The following FCN1 variants were observed in gnomAD, a reference collection of about 807,000 sequenced individuals.
The protein encoded by FCN1 is ficolin-1.
FCN1 carries 42 observed loss-of-function variants against 35.6 expected under a neutral mutation model. The observed-to-expected ratio is 1.18, with a 90% CI of 0.92 to 1.53. The LOEUF is 1.53. Among genes scored for constraint, FCN1 ranks in the 40% most tolerant of loss-of-function variants. The probability of loss-of-function intolerance (pLI) is 0.00; values close to 1 mark genes in which losing one functional copy is unlikely to be tolerated. For synonymous variants in FCN1, 179 were observed against 169.8 expected (o/e 1.05, Z -0.42); for missense variants, 439 against 428.4 (o/e 1.02, Z -0.22).
chr9:134,912,092 G>T (rs760515625), intron 7 of FCN1, among the ~76,000 whole-genome samples: 3 of 152,216 alleles, frequency 2.0e-5, no homozygotes, highest in African/African-American at 7.2e-5. Flanking sequence ...GTGCGGCTGT[G>T]GGGGGCCTGC....
At chr9:134,913,673 GC>G in intron 4 of FCN1, 60 bp from the exon 5 acceptor site, 1 of 1,358,768 alleles carries the variant, frequency 7.4e-7, no homozygotes, top group Non-Finnish European at 1.0e-6. Flanking sequence ...GTCCTGGTCA[GC>G]CCCAGTGGCT....
In FCN1 at chr9:134,907,084, A is replaced by T. The variant is rs1830964479; in HGVS notation, c.*2714T>A. 6.6e-6 allele frequency: 1 copy of T among 152,170 alleles called. No homozygotes were observed. Among genetic ancestry groups the T allele is most frequent in the African/African-American group, 2.4e-5 (1 of 41,436 alleles). 9.4% of individuals were successfully genotyped at this position (152,170 alleles called of 1,614,324 possible). A position where few individuals can be genotyped will look rare whatever the true frequency, so the allele number is the denominator to read the frequency against. On this transcript the variant is annotated 3_prime_UTR_variant, in exon 9 of 9. Coordinates refer to ENST00000371806, the MANE Select transcript of FCN1 (RefSeq NM_002003.5). ...AAAACTCTGTCTCAAAAAACAAACT[A>T]AAAGGCATATTTCTATGGCTATTTT...
chr9:134,911,330 T>C, intron 7 of FCN1, 63 bp from the exon 8 acceptor site: 1 of 1,407,598 alleles, frequency 7.1e-7, no homozygotes, highest in Non-Finnish European at 9.8e-7. Context: ...GCATGAGGGC[T>C]GGGGATGGGT....
At chr9:134,913,674 C>T (rs1831055709) in intron 4 of FCN1, 61 bp from the exon 5 acceptor site, 7 of 1,358,542 alleles carry the variant, frequency 5.2e-6, no homozygotes, top group Non-Finnish European at 7.2e-6. Context: ...TCCTGGTCAG[C>T]CCCAGTGGCT....
intron 5 of FCN1, 33 bp from the exon 6 acceptor site, chr9:134,913,176 C>T (rs780219939): frequency 1.6e-5 from 26 of 1,611,034 alleles, no homozygotes; most frequent in Middle Eastern, 3.3e-4. Context: ...GGCTGCAGGA[C>T]GGGGGCCCTG....
chr9:134,912,091 T>TG (rs1377730376), intron 7 of FCN1, among the ~76,000 whole-genome samples: 1 of 152,164 alleles, frequency 6.6e-6, no homozygotes, highest in African/African-American at 2.4e-5. Context: ...AGTGCGGCTG[T>TG]GGGGGGCCTG....
intron 5 of FCN1, 85 bp from the exon 6 acceptor site, chr9:134,913,228 G>A (rs1007022754): frequency 3.5e-5 from 54 of 1,554,160 alleles, no homozygotes; most frequent in African/African-American, 1.2e-4. Flanking sequence ...GGAGGGAGGA[G>A]GAGGGCCACA....
At chr9:134,915,598 C>A (rs1366456684) in intron 2 of FCN1, among the ~76,000 whole-genome samples, 1 of 152,214 alleles carries the variant, frequency 6.6e-6, no homozygotes, top group Non-Finnish European at 1.5e-5. Flanking sequence ...CGGACACCCA[C>A]ACGGAAGCCT....
In FCN1 at chr9:134,915,765, C is replaced by T. The variant is rs377499493; in HGVS notation, c.217+583G>A. 4.3e-4 allele frequency among the ~76,000 whole-genome samples: 65 copies of T among 152,328 alleles called. 3 individuals are homozygous for T. In the South Asian group the frequency reaches 0.013, roughly 30 times the overall value. On this transcript the variant is annotated intron_variant, in intron 2 of 8. Coordinates refer to ENST00000371806, the MANE Select transcript of FCN1 (RefSeq NM_002003.5). Reference sequence around the variant, plus strand: ...AGCGCCCTTTCTGAGTTTTTGTGCACGTCTGCCTTATGCCATGCTTAGGGG... The same window carrying T: ...AGCGCCCTTTCTGAGTTTTTGTGCATGTCTGCCTTATGCCATGCTTAGGGG...
At chr9:134,910,290 C>T (rs1483231132) in intron 8 of FCN1, among the ~76,000 whole-genome samples, 2 of 152,128 alleles carry the variant, frequency 1.3e-5, no homozygotes, top group African/African-American at 2.4e-5. Flanking sequence ...CCTGTTTCCT[C>T]CAGGGCTCCC....
intron 2 of FCN1, among the ~76,000 whole-genome samples, chr9:134,915,361 C>T (rs1831079743): frequency 1.3e-5 from 2 of 152,200 alleles, no homozygotes; most frequent in Non-Finnish European, 2.9e-5. Flanking sequence ...AGCCCCCAGC[C>T]CGCTCGCTGA....
In FCN1 at chr9:134,909,155, T is replaced by C. The variant is rs1422570016; in HGVS notation, c.*643A>G. On this transcript the variant is annotated 3_prime_UTR_variant, in exon 9 of 9. Transcript: ENST00000371806. ...CTCTTCGGAATCTTCTCTGTGCAGG[T>C]GGCTGACCAGGCGCTCACTTAGTGA... is the stretch of plus-strand genomic sequence containing the variant. 3 of 1,252,472 alleles carry C rather than the reference T, an allele frequency of 2.4e-6. No homozygotes were observed. The South Asian group carries it at 3.9e-5, about 16-fold the overall frequency. The allele number at this position is 1,252,472 out of a possible 1,614,324, so 77.6% of individuals were successfully genotyped here. A position where few individuals can be genotyped will look rare whatever the true frequency, so the allele number is the denominator to read the frequency against.
chr9:134,911,499 C>A (rs995839727), intron 7 of FCN1, among the ~76,000 whole-genome samples: 1 of 144,736 alleles, frequency 6.9e-6, no homozygotes, highest in African/African-American at 2.7e-5. Context: ...TGTGTGCCAC[C>A]ACACACAGCT....
At position 134,917,755 on chromosome 9, in the gene FCN1, C is replaced by T. The variant is rs1430919817; in HGVS notation, c.103+14G>A. ...ACCAGCTTTTAGGGACCAGAAAACC[C>T]AGGTCTGTCTCACCTGGACATGTGT... On this transcript the variant is annotated intron_variant, in intron 1 of 8. Coordinates refer to ENST00000371806, the MANE Select transcript of FCN1 (RefSeq NM_002003.5). 1 of 1,594,554 alleles carries T rather than the reference C, an allele frequency of 6.3e-7. No homozygotes were observed. Among genetic ancestry groups the T allele is most frequent in the Admixed American group, 1.7e-5 (1 of 59,962 alleles).
At chr9:134,914,504 G>T in intron 3 of FCN1, 84 bp from the exon 4 acceptor site, 1 of 1,293,820 alleles carries the variant, frequency 7.7e-7, no homozygotes. Flanking sequence ...CTCCCGGCCT[G>T]GACACTGCAT....
rs150166526 is a variant in FCN1 at position 134,912,401 on chromosome 9, G to T, written c.598+85C>A. 9 of 1,399,634 alleles carry T rather than the reference G, an allele frequency of 6.4e-6. No individual in the cohort carries two copies. In the East Asian group the frequency reaches 1.9e-4, roughly 29 times the overall value. 86.7% of individuals were successfully genotyped at this position (1,399,634 alleles called of 1,614,324 possible). On this transcript the variant is annotated intron_variant, in intron 7 of 8. Transcript: ENST00000371806. ...GGGCCCAATCCCCTGTGGGCCAAGA[G>T]GTGCTTATGTTGCAGATGGCCCAGG... is the stretch of plus-strand genomic sequence containing the variant.
chr9:134,913,670 TCAG>T (rs1831055640), intron 4 of FCN1, 57 bp from the exon 5 acceptor site: 1 of 1,410,582 alleles, frequency 7.1e-7, no homozygotes, highest in African/African-American at 1.4e-5. Context: ...TTTGTCCTGG[TCAG>T]CCCCAGTGGC....
chr9:134,916,033 G>T (rs561551864), intron 2 of FCN1, among the ~76,000 whole-genome samples: 25 of 152,370 alleles, frequency 1.6e-4, no homozygotes, highest in African/African-American at 5.3e-4. Context: ...CAGGTGAGAA[G>T]GTGGAGGGAC....
rs1326667929 is a variant in FCN1 at position 134,911,322 on chromosome 9, A to T, written c.599-55T>A. The T allele has an allele frequency of 8.6e-6, 13 of 1,518,218 alleles. No individual in the cohort carries two copies. In the East Asian group the frequency reaches 2.7e-4, roughly 32 times the overall value. The allele number at this position is 1,518,218 out of a possible 1,614,324, so 94.0% of individuals were successfully genotyped here. On this transcript the variant is annotated intron_variant, in intron 7 of 8. Transcript: ENST00000371806. ...CTTTAAGATCTTTCTGTCACCAGGC[A>T]TGAGGGCTGGGGATGGGTAATTTTT... is the stretch of plus-strand genomic sequence containing the variant.
Sources: allele counts gnomAD v4.1 joint callset (sites outside exome capture counted in the v4.1 genomes callset), GRCh38; gene constraint gnomAD v4.1.1; transcripts MANE v1.5; gene names NCBI Gene and HGNC (gene_info 2026-07-23, HGNC 2026-07-21).